The following NPHP3 variants were observed in gnomAD, a reference collection of about 807,000 sequenced individuals.
The protein encoded by NPHP3 is nephrocystin-3.
NPHP3 carries 123 observed loss-of-function variants against 171.9 expected under a neutral mutation model. The observed-to-expected ratio is 0.72, with a 90% confidence interval of 0.62 to 0.83. NPHP3 has a LOEUF of 0.83. NPHP3 is among the 40% of genes least tolerant of loss of function. The pLI is 0.00. For missense variants in NPHP3, 1,506 were observed against 1,591.9 expected, an observed-to-expected ratio of 0.95 and a Z score of 0.92; for synonymous variants, 558 against 579.2, an observed-to-expected ratio of 0.96 and a Z score of 0.52.
chr3:132,684,965 G>C (rs377494658), intron 23 of NPHP3, 171 bp from the exon 24 acceptor site: 124 of 718,354 alleles, frequency 1.7e-4, no homozygotes, highest in African/African-American at 7.3e-4. Flanking sequence ...ATCTCTTCCT[G>C]CCCTTTTCCT....
At chr3:132,688,010 T>C (rs1280757418) in intron 21 of NPHP3, among the ~76,000 whole-genome samples, 2 of 152,202 alleles carry the variant, frequency 1.3e-5, no homozygotes, top group Non-Finnish European at 2.9e-5. Flanking sequence ...GGACTTGGCC[T>C]ATGGGCAATG....
At chr3:132,714,220 A>C (rs1939987666) in intron 5 of NPHP3, among the ~76,000 whole-genome samples, 1 of 152,352 alleles carries the variant, frequency 6.6e-6, no homozygotes, top group African/African-American at 2.4e-5. Context: ...TATAATTTCC[A>C]CATGTCATAA....
Position 132,713,254 on chromosome 3 carries a change from C to A in NPHP3, c.990G>T (p.Glu330Asp). 1 of 1,604,266 alleles carries A rather than the reference C, an allele frequency of 6.2e-7. No homozygotes were observed. Among genetic ancestry groups the A allele is most frequent in the Admixed American group, 1.7e-5 (1 of 58,560 alleles). Residue 330 changes from glutamate (E) to aspartate (D), a missense_variant, in exon 6 of 27, where the codon GAG becomes GAT. Physicochemically the swap from Glu to Asp is conservative, Grantham distance 45. Around this residue, in one of 3 missense-constraint regions of NPHP3, gnomAD observed 930 missense variants for 924.9 expected, o/e 1.01. Transcript: ENST00000337331. ...CAGCATGGAAAAAATATCCCATTGT[C>A]TCGCACATTCTCTTAAGTTTAGGTG... Reference protein sequence around the residue: ...DYSPKLKRMCETMGYFFHAVY... With the variant: ...DYSPKLKRMCDTMGYFFHAVY...
intron 17 of NPHP3, 78 bp from the exon 18 acceptor site, chr3:132,691,364 A>G (rs935104408): frequency 1.0e-6 from 1 of 959,956 alleles, no homozygotes; most frequent in Non-Finnish European, 1.7e-6. Context: ...TGCAAAAAAG[A>G]ATTTATAATT....
intron 9 of NPHP3, 112 bp from the exon 10 acceptor site, chr3:132,701,645 T>C: frequency 1.3e-6 from 1 of 769,720 alleles, no homozygotes; most frequent in Non-Finnish European, 2.2e-6. Flanking sequence ...TGTGAGAAAA[T>C]GAAATCTATT....
rs1421977949 is a variant in NPHP3, at chr3:132,703,730, C to G, written c.1524+468G>C. Among the ~76,000 whole-genome samples the G allele has an allele frequency of 2.0e-5, 3 of 152,074 alleles. No homozygotes were observed. The East Asian group carries it at 5.8e-4, about 29-fold the overall frequency. On this transcript the variant is annotated intron_variant, in intron 9 of 26. Coordinates refer to ENST00000337331, the MANE Select transcript of NPHP3 (RefSeq NM_153240.5). The stretch of plus-strand genomic sequence containing the variant: ...AAGTAGCTGGGATTACAGGTGCATA[C>G]CACCATGCCTGGTAAACTTTTGTAT...
chr3:132,706,162 A>G (rs1230165839), intron 7 of NPHP3, among the ~76,000 whole-genome samples: 4 of 152,090 alleles, frequency 2.6e-5, no homozygotes, highest in Admixed American at 6.5e-5. Context: ...GATCAAGACC[A>G]TCCTGGCTAA....
At chr3:132,683,549 CA>C in intron 24 of NPHP3, 25 bp from the exon 25 acceptor site, 1 of 1,590,898 alleles carries the variant, frequency 6.3e-7, no homozygotes, top group Non-Finnish European at 8.6e-7. Context: ...TTAAATCTAA[CA>C]AAAATATAAG....
chr3:132,690,669 CA>C lies in NPHP3; in HGVS notation c.2571-20del. Reference sequence around the variant, plus strand: ...GTCCTGACTATCAAAAGAGAGGAGACAATATTCAATATCTTCCTACAATGAG... The same window carrying C: ...GTCCTGACTATCAAAAGAGAGGAGACATATTCAATATCTTCCTACAATGAG... On this transcript the variant is annotated intron_variant, in intron 18 of 26. Transcript: ENST00000337331. The C allele has an allele frequency of 6.2e-7, 1 of 1,612,904 alleles. No homozygotes were observed. Among genetic ancestry groups the C allele is most frequent in the Non-Finnish European group, 8.5e-7 (1 of 1,179,096 alleles).
At chr3:132,700,503 T>A in intron 10 of NPHP3, 55 bp from the exon 11 acceptor site, 2 of 1,093,732 alleles carry the variant, frequency 1.8e-6, no homozygotes, top group Admixed American at 1.9e-5. Context: ...TGACTGTCAA[T>A]AAAAAAAGAA....
At chr3:132,716,252 G>T (rs1940049196) in intron 4 of NPHP3, among the ~76,000 whole-genome samples, 1 of 152,002 alleles carries the variant, frequency 6.6e-6, no homozygotes. Flanking sequence ...ATACTGTATT[G>T]TTTCTTATTT....
chr3:132,713,589 GTTA>G (rs1939969865), intron 5 of NPHP3, among the ~76,000 whole-genome samples: 1 of 151,996 alleles, frequency 6.6e-6, no homozygotes, highest in African/African-American at 2.4e-5. Context: ...GTTTCTTTTT[GTTA>G]TTATTACTAT....
rs1205014359 is a variant in NPHP3, at chr3:132,722,082, C to G, written c.274G>C (p.Glu92Gln). The part of the protein sequence containing the change: ...PELEYAAAEY[E>Q]RLRKEYEIFR... ...ATCTCGTACTCCTTCCTGAGCCGCTCGTACTCGGCCGCCGCGTACTCCAGC... is the reference window on the plus strand; with the variant it reads ...ATCTCGTACTCCTTCCTGAGCCGCTGGTACTCGGCCGCCGCGTACTCCAGC... The change falls in exon 1 of 27, where the codon GAG becomes CAG. Residue 92 changes from glutamate (E) to glutamine (Q), a missense_variant. Glu to Gln is a conservative substitution (Grantham distance 29). Transcript: ENST00000337331. 7.4e-6 allele frequency: 12 copies of G among 1,610,794 alleles called. No homozygotes were observed. Among genetic ancestry groups the G allele is most frequent in the Non-Finnish European group, 1.0e-5 (12 of 1,179,854 alleles).
intron 24 of NPHP3, among the ~76,000 whole-genome samples, chr3:132,684,214 C>T (rs1939100379): frequency 6.6e-6 from 1 of 152,118 alleles, no homozygotes; most frequent in African/African-American, 2.4e-5. Flanking sequence ...CTTTACACAG[C>T]AAACTTAATA....
Position 132,715,121 on chromosome 3 carries a change from T to C in NPHP3, c.921A>G (p.Thr307=), listed in dbSNP as rs368874413. The part of the protein sequence containing the change: ...SNTVRCYLIY[T]DETQPEMDLF... Reference sequence around the variant, plus strand: ...GATCCATCTCAGGCTGGGTTTCATCTGTATAAATGAGGTAACATCTGACAG... The same window carrying C: ...GATCCATCTCAGGCTGGGTTTCATCCGTATAAATGAGGTAACATCTGACAG... Residue 307 remains threonine, a synonymous_variant, in exon 5 of 27, where the codon ACA becomes ACG. Transcript: ENST00000337331. 5.0e-6 allele frequency: 8 copies of C among 1,612,534 alleles called. No homozygotes were observed. The highest frequency in any genetic ancestry group is 1.3e-5 in the African/African-American group (1 of 74,890).
Position 132,681,914 on chromosome 3 carries a change from C to T in NPHP3, c.3989G>A (p.Arg1330Lys). 6.2e-7 allele frequency: 1 copy of T among 1,613,410 alleles called. No homozygotes were observed. The highest frequency in any genetic ancestry group is 1.3e-5 in the African/African-American group (1 of 75,002). ...AAAGAATTCTAACTGCTGCTATTAC[C>T]TTTGTCCTTGCTGAAGGAAAACATT... ...SPNVFLQQGQ[R>K] Residue 1330 changes from arginine (R) to lysine (K), a missense_variant, in exon 27 of 27, where the codon AGG (arginine) becomes AAG (lysine). Transcript: ENST00000337331.
At chr3:132,719,670 A>C (rs747302488) in intron 2 of NPHP3, 35 bp downstream of exon 2, 1 of 1,419,362 alleles carries the variant, frequency 7.0e-7, no homozygotes, top group East Asian at 2.4e-5. Context: ...ATTTTATTCT[A>C]TGTTGCTTTG....
In NPHP3 at chr3:132,694,834, A is replaced by G. The variant is rs756155758; in HGVS notation, c.2303T>C (p.Met768Thr). ...SMANDVDKEL[M>T]KQILCLVNVS... ...AAGTTTATTACATTCTACCTGCTTC[A>G]TTAGCTCTTTATCCACATCATTTGC... Residue 768 changes from methionine to threonine, a missense_variant, in exon 16 of 27, where the codon ATG becomes ACG. Met to Thr is a moderately conservative substitution (Grantham distance 81). Around this residue, in one of 3 missense-constraint regions of NPHP3, gnomAD observed 930 missense variants for 924.9 expected, o/e 1.01. Coordinates refer to ENST00000337331, the MANE Select transcript of NPHP3 (RefSeq NM_153240.5). 1.2e-6 allele frequency: 2 copies of G among 1,613,378 alleles called. No individual in the cohort carries two copies. The highest frequency in any genetic ancestry group is 1.7e-6 in the Non-Finnish European group (2 of 1,179,928).
chr3:132,697,367 T>C lies in NPHP3; in HGVS notation c.1986-5A>G, dbSNP rs1939482381. On this transcript the variant is annotated splice_region_variant and splice_polypyrimidine_tract_variant and intron_variant, in intron 13 of 26. Coordinates refer to ENST00000337331, the MANE Select transcript of NPHP3 (RefSeq NM_153240.5). ...AGATGAAGTGTAGGCCACAACCTTT[T>C]ATGTAAAGAAAAGAAAAATGAAATT... 2 of 1,585,124 alleles carry C rather than the reference T, an allele frequency of 1.3e-6. No individual in the cohort carries two copies. The highest frequency in any genetic ancestry group is 2.2e-5 in the East Asian group (1 of 44,614).
Sources: gnomAD v4.1 joint callset for allele counts (sites outside exome capture counted in the v4.1 genomes callset) on GRCh38, gnomAD v4.1.1 for gene constraint, gnomAD v4.1.1 regional missense constraint, MANE v1.5 for transcripts, NCBI Gene and HGNC (gene_info 2026-07-23, HGNC 2026-07-21) for gene names.